Variants in SLC24A3 observed in about 807,000 individuals in gnomAD.
The protein encoded by SLC24A3 is sodium/potassium/calcium exchanger 3.
A neutral mutation model predicts 75.8 loss-of-function variants in SLC24A3; 28 were observed. The ratio of observed to expected loss-of-function variants is 0.37; its 90% CI spans 0.27 to 0.51. The LOEUF (loss-of-function observed/expected upper bound fraction) is 0.51. SLC24A3 is among the 20% of genes least tolerant of loss of function. SLC24A3 has a pLI of 0.94. For missense variants in SLC24A3, 663 were observed against 847.8 expected (o/e 0.78, Z 2.71); for synonymous variants, 372 against 334.1 (o/e 1.11, Z -1.24).
At chr20:19,291,971 G>A (rs2122236322) in intron 2 of SLC24A3, among the ~76,000 whole-genome samples, 1 of 152,308 alleles carries the variant, frequency 6.6e-6, no homozygotes, top group African/African-American at 2.4e-5. Flanking sequence ...CCTGTCTTGG[G>A]GTCATGAGGG....
chr20:19,277,030 C>T (rs1983510777), intron 1 of SLC24A3, among the ~76,000 whole-genome samples: 1 of 152,206 alleles, frequency 6.6e-6, no homozygotes, highest in East Asian at 1.9e-4. Flanking sequence ...TTATTTACCT[C>T]TTCACTGCTA....
At chr20:19,575,558 G>A (rs1343577481) in intron 3 of SLC24A3, among the ~76,000 whole-genome samples, 1 of 152,186 alleles carries the variant, frequency 6.6e-6, no homozygotes, top group African/African-American at 2.4e-5. Flanking sequence ...GTGATCATGA[G>A]ACTAAAGCTG....
chr20:19,424,745 C>CAAAAAAAAAAAAAAAA (rs528342351), intron 2 of SLC24A3, among the ~76,000 whole-genome samples: 3 of 49,160 alleles, frequency 6.1e-5, no homozygotes, highest in Non-Finnish European at 1.1e-4. Context: ...AAAACAACAA[C>CAAAAAAAAAAAAAAAA]AAAAAAAAAA....
At chr20:19,236,599 T>C (rs1982173890) in intron 1 of SLC24A3, among the ~76,000 whole-genome samples, 1 of 151,932 alleles carries the variant, frequency 6.6e-6, no homozygotes, top group South Asian at 2.1e-4. Context: ...AAAAAAAATA[T>C]GCAAAAATTG....
intron 2 of SLC24A3, among the ~76,000 whole-genome samples, chr20:19,492,767 TATA>T (rs1417693209): frequency 1.3e-5 from 2 of 152,244 alleles, no homozygotes; most frequent in Non-Finnish European, 2.9e-5. Context: ...TGGATATTTT[TATA>T]ATAATATTAA....
chr20:19,344,443 C>T (rs1985342743), intron 2 of SLC24A3, among the ~76,000 whole-genome samples: 1 of 152,100 alleles, frequency 6.6e-6, no homozygotes, highest in African/African-American at 2.4e-5. Context: ...GACTCTGAGA[C>T]TAGCATTTAA....
chr20:19,288,659 T>TA (rs1419151571), intron 2 of SLC24A3, among the ~76,000 whole-genome samples: 4 of 152,206 alleles, frequency 2.6e-5, no homozygotes, highest in Non-Finnish European at 5.9e-5. Context: ...GCCCAGTTGA[T>TA]AGATTAGTTA....
chr20:19,600,366 T>C (rs2031513227), intron 6 of SLC24A3, among the ~76,000 whole-genome samples: 1 of 152,150 alleles, frequency 6.6e-6, no homozygotes, highest in Non-Finnish European at 1.5e-5. Context: ...TTAAATGCCA[T>C]CAAAAAAGTC....
At chr20:19,614,440 A>G (rs2031710223) in intron 6 of SLC24A3, among the ~76,000 whole-genome samples, 1 of 152,212 alleles carries the variant, frequency 6.6e-6, no homozygotes, top group Admixed American at 6.5e-5. Flanking sequence ...GCCCCAGCCC[A>G]TCCTCTCCTG....
intron 6 of SLC24A3, among the ~76,000 whole-genome samples, chr20:19,594,917 G>A (rs2031432074): frequency 6.6e-6 from 1 of 152,190 alleles, no homozygotes; most frequent in African/African-American, 2.4e-5. Context: ...TGATAGCATA[G>A]TGCCGTGAAA....
chr20:19,382,263 A>G (rs1986195594), intron 2 of SLC24A3, among the ~76,000 whole-genome samples: 1 of 152,216 alleles, frequency 6.6e-6, no homozygotes, highest in East Asian at 1.9e-4. Context: ...GCGGAAATGC[A>G]AAAACCAGCG....
At chr20:19,437,480 C>G (rs1217998942) in intron 2 of SLC24A3, among the ~76,000 whole-genome samples, 1 of 152,176 alleles carries the variant, frequency 6.6e-6, no homozygotes, top group Non-Finnish European at 1.5e-5. Context: ...ATTACCCAGT[C>G]CTGCGTATTT....
At chr20:19,288,640 T>A (rs1367048468) in intron 2 of SLC24A3, among the ~76,000 whole-genome samples, 1 of 152,196 alleles carries the variant, frequency 6.6e-6, no homozygotes, top group African/African-American at 2.4e-5. Flanking sequence ...GGAAAAACGG[T>A]ATGATGATGC....
At chr20:19,696,745 A>T in intron 13 of SLC24A3, 52 bp from the exon 14 acceptor site, 1 of 1,237,042 alleles carries the variant, frequency 8.1e-7, no homozygotes, top group East Asian at 2.3e-5. Flanking sequence ...AATCATGGGC[A>T]GGTGGGGCTT....
intron 6 of SLC24A3, among the ~76,000 whole-genome samples, chr20:19,637,616 G>A (rs958748701): frequency 4.6e-5 from 7 of 152,124 alleles, no homozygotes; most frequent in Non-Finnish European, 5.9e-5. Flanking sequence ...GCTATTTATC[G>A]TTTAATCCAC....
intron 2 of SLC24A3, among the ~76,000 whole-genome samples, chr20:19,453,011 A>G (rs2328425): frequency 0.58 from 88,635 of 151,710 alleles, 28,603 homozygotes; most frequent in East Asian, 0.93. Flanking sequence ...GTGAAACCCC[A>G]TCTCTACTAA....
At chr20:19,497,384 C>A (rs576410105) in intron 2 of SLC24A3, among the ~76,000 whole-genome samples, 5 of 152,146 alleles carry the variant, frequency 3.3e-5, no homozygotes, top group Admixed American at 1.3e-4. Flanking sequence ...GAATCCCAGA[C>A]GCTATGTCCT....
intron 1 of SLC24A3, among the ~76,000 whole-genome samples, chr20:19,277,244 T>C (rs925073565): frequency 7.9e-5 from 12 of 152,212 alleles, no homozygotes; most frequent in African/African-American, 2.9e-4. Flanking sequence ...TCAATTTCCT[T>C]ATTTACAAAA....
chr20:19,458,338 A>G (rs76721966), intron 2 of SLC24A3, among the ~76,000 whole-genome samples: 3,149 of 152,288 alleles, frequency 0.021, 108 homozygotes, highest in African/African-American at 0.072. Context: ...TGTTTTTAAA[A>G]GTTTCAGCAG....
Sources: allele counts gnomAD v4.1 joint callset (sites outside exome capture counted in the v4.1 genomes callset), GRCh38; gene constraint gnomAD v4.1.1; transcripts MANE v1.5; gene names NCBI Gene and HGNC (gene_info 2026-07-23, HGNC 2026-07-21).